PARVA: variants seen among roughly 807,000 people sequenced by gnomAD.
The protein encoded by PARVA is parvin alpha, also known as alpha-parvin.
PARVA carries 25 observed loss-of-function variants against 52.6 expected under a neutral mutation model. The observed-to-expected ratio is 0.48, with a 90% CI of 0.35 to 0.66. The LOEUF (loss-of-function observed/expected upper bound fraction) is 0.66. Among genes scored for constraint, PARVA ranks in the 30% least tolerant of loss-of-function variants. The pLI, the probability that PARVA is intolerant of heterozygous loss-of-function variation, is 0.01. For missense variants in PARVA, 373 were observed against 450.9 expected (o/e 0.83, Z 1.56); for synonymous variants, 185 against 179.1 (o/e 1.03, Z -0.26).
At chr11:12,507,908 T>C (rs10831839) in intron 6 of PARVA, among the ~76,000 whole-genome samples, 34,635 of 151,596 alleles carry the variant, frequency 0.23, 4,599 homozygotes, top group Middle Eastern at 0.32. Flanking sequence ...GCCTTGTACA[T>C]AGAGGGCACT....
Position 12,504,571 on chromosome 11 carries a change from G to A in PARVA, c.657+142G>A, listed in dbSNP as rs541336754. 103 of 624,848 alleles carry A rather than the reference G, an allele frequency of 1.6e-4. No homozygotes were observed. The Middle Eastern group carries it at 3.2e-3, about 19-fold the overall frequency. The allele number at this position is 624,848 out of a possible 1,614,324, so 38.7% of individuals were successfully genotyped here. ...GGTGTGCAGTATATTGGGAGGCACT[G>A]AATGAGCTTTCTGTTGCATGTTGGC... On this transcript the variant is annotated intron_variant, in intron 6 of 12. Coordinates refer to ENST00000334956, the MANE Select transcript of PARVA (RefSeq NM_018222.5).
chr11:12,426,334 AAG>A (rs1940234822), intron 1 of PARVA, among the ~76,000 whole-genome samples: 1 of 152,144 alleles, frequency 6.6e-6, no homozygotes, highest in Non-Finnish European at 1.5e-5. Flanking sequence ...TGAGGTGTGA[AAG>A]AGCTTAGTAG....
At chr11:12,487,539 T>C (rs1941175293) in intron 4 of PARVA, among the ~76,000 whole-genome samples, 1 of 152,208 alleles carries the variant, frequency 6.6e-6, no homozygotes, top group Non-Finnish European at 1.5e-5. Flanking sequence ...TAGCCAAATG[T>C]AGCTAGTAGC....
chr11:12,444,813 G>A (rs1327514651), intron 1 of PARVA, among the ~76,000 whole-genome samples: 2 of 152,136 alleles, frequency 1.3e-5, no homozygotes, highest in Admixed American at 6.5e-5. Context: ...TTGGCCCTAG[G>A]GGAAAAGAAA....
At chr11:12,454,699 T>A (rs1437014938) in intron 1 of PARVA, among the ~76,000 whole-genome samples, 2 of 152,202 alleles carry the variant, frequency 1.3e-5, no homozygotes, top group East Asian at 1.9e-4. Context: ...TGGCCAATCT[T>A]GGCTTCATTC....
intron 1 of PARVA, among the ~76,000 whole-genome samples, chr11:12,405,823 T>C (rs1311983001): frequency 6.6e-6 from 1 of 152,090 alleles, no homozygotes; most frequent in African/African-American, 2.4e-5. Flanking sequence ...CTGGGCGCAG[T>C]GGCAGGTGCC....
chr11:12,481,958 T>C (rs1941092857), intron 4 of PARVA, among the ~76,000 whole-genome samples: 1 of 150,952 alleles, frequency 6.6e-6, no homozygotes, highest in Non-Finnish European at 1.5e-5. Context: ...TCATCTGAGG[T>C]CAGGAGTTCG....
chr11:12,407,358 G>T (rs1027408484), intron 1 of PARVA, among the ~76,000 whole-genome samples: 1 of 152,240 alleles, frequency 6.6e-6, no homozygotes, highest in Non-Finnish European at 1.5e-5. Flanking sequence ...TCTACTGTAG[G>T]CATCATAGAT....
At chr11:12,397,998 C>G (rs753760746) in intron 1 of PARVA, among the ~76,000 whole-genome samples, 90 of 152,184 alleles carry the variant, frequency 5.9e-4, no homozygotes, top group Non-Finnish European at 1.0e-3. Context: ...CCTCTCTGCC[C>G]CCTTGAATTC....
chr11:12,527,102 G>A (rs10765958), intron 12 of PARVA, among the ~76,000 whole-genome samples: 90,086 of 152,156 alleles, frequency 0.59, 27,966 homozygotes, highest in East Asian at 0.74. Context: ...TAGCCATGCT[G>A]GCCTATTGGG....
intron 1 of PARVA, among the ~76,000 whole-genome samples, chr11:12,433,288 A>T (rs1313582134): frequency 1.3e-5 from 2 of 152,202 alleles, no homozygotes; most frequent in Non-Finnish European, 2.9e-5. Flanking sequence ...TGAGTTTGCA[A>T]CTTTCTTGGA....
At chr11:12,497,858 C>T (rs1412572008) in intron 5 of PARVA, among the ~76,000 whole-genome samples, 1 of 152,122 alleles carries the variant, frequency 6.6e-6, no homozygotes, top group Non-Finnish European at 1.5e-5. Context: ...TAGTCATAAA[C>T]ATTAGAGAAG....
At position 12,473,745 on chromosome 11, in the gene PARVA, T is replaced by C. The variant is rs776551308; in HGVS notation, c.137T>C (p.Val46Ala). ...GACCCTGCTCTTCCTTTTCTTCCAG[T>C]GTCCGAGCTGCAGGAGGAGGGAATG... ...TLARRKKAKE[V>A]SELQEEGMNA... The change falls in exon 2 of 13, where the codon GTG becomes GCG. Residue 46 changes from valine (V) to alanine (A), a missense_variant and splice_region_variant. Physicochemically the swap from Val to Ala is moderately conservative, Grantham distance 64. Coordinates refer to ENST00000334956, the MANE Select transcript of PARVA (RefSeq NM_018222.5). 53 of 1,558,540 alleles carry C rather than the reference T, an allele frequency of 3.4e-5. No individual in the cohort carries two copies. Among genetic ancestry groups the C allele is most frequent in the Non-Finnish European group, 4.3e-5 (50 of 1,150,280 alleles).
At position 12,535,323 on chromosome 11, in the gene PARVA, A is replaced by C. The variant is rs905134259; in HGVS notation, c.*7398A>C. 1.3e-5 allele frequency among the ~76,000 whole-genome samples: 2 copies of C among 152,196 alleles called. No individual in the cohort carries two copies. The highest frequency in any genetic ancestry group is 3.9e-4 in the East Asian group (2 of 5,192). On this transcript the variant is annotated 3_prime_UTR_variant, in exon 13 of 13. Coordinates refer to ENST00000334956, the MANE Select transcript of PARVA (RefSeq NM_018222.5). ...TGTTTATGGATTAAATGGCTTTCTG[A>C]CCAGCATCCCTTTGGTGTGCTTTGT...
At chr11:12,446,439 AT>A (rs1156716415) in intron 1 of PARVA, among the ~76,000 whole-genome samples, 1 of 152,208 alleles carries the variant, frequency 6.6e-6, no homozygotes, top group Non-Finnish European at 1.5e-5. Flanking sequence ...GTGTGATGAT[AT>A]GCAAAAAAGA....
At chr11:12,431,803 A>G (rs1336826290) in intron 1 of PARVA, among the ~76,000 whole-genome samples, 1 of 152,138 alleles carries the variant, frequency 6.6e-6, no homozygotes, top group Non-Finnish European at 1.5e-5. Flanking sequence ...CACCATCAAC[A>G]CTTAGCCACA....
At chr11:12,396,737 G>T (rs547770182) in intron 1 of PARVA, among the ~76,000 whole-genome samples, 2 of 152,322 alleles carry the variant, frequency 1.3e-5, no homozygotes, top group East Asian at 3.9e-4. Flanking sequence ...TGACTTCTAT[G>T]TGTATTAACC....
At chr11:12,512,486 C>T (rs1216916368) in intron 8 of PARVA, among the ~76,000 whole-genome samples, 2 of 152,224 alleles carry the variant, frequency 1.3e-5, no homozygotes, top group Non-Finnish European at 2.9e-5. Flanking sequence ...GGAGACCCTT[C>T]TCCTTTCCTG....
At chr11:12,392,424 AC>A (rs1297240840) in intron 1 of PARVA, among the ~76,000 whole-genome samples, 5 of 151,924 alleles carry the variant, frequency 3.3e-5, no homozygotes, top group African/African-American at 9.7e-5. Context: ...ACCTGCCACC[AC>A]GCCCAGCTAA....
Sources: allele counts gnomAD v4.1 joint callset (sites outside exome capture counted in the v4.1 genomes callset), GRCh38; gene constraint gnomAD v4.1.1; transcripts MANE v1.5; gene names NCBI Gene and HGNC (gene_info 2026-07-23, HGNC 2026-07-21).